FGFR2: variants seen among roughly 807,000 people sequenced by gnomAD.
FGFR2 encodes the protein BEK fibroblast growth factor receptor.
A neutral mutation model predicts 95.9 loss-of-function variants in FGFR2; 19 were observed. The observed-to-expected ratio is 0.20, with a 90% CI of 0.14 to 0.29. The LOEUF is 0.29. FGFR2 is among the 10% of genes least tolerant of loss of function. The probability of loss-of-function intolerance (pLI) is 1.00; values close to 1 mark genes in which losing one functional copy is unlikely to be tolerated. For missense variants in FGFR2, 707 were observed against 1,056.9 expected, an observed-to-expected ratio of 0.67 and a Z score of 4.59; for synonymous variants, 392 against 393.3, an observed-to-expected ratio of 1.00 and a Z score of 0.04.
chr10:121,481,848 T>A lies in FGFR2; in HGVS notation c.2302-1827A>T, dbSNP rs543374098. The A allele has an allele frequency of 1.1e-4, 21 of 190,490 alleles. 2 individuals are homozygous for A. The highest frequency in any genetic ancestry group is 2.3e-4 in the East Asian group (2 of 8,646). The allele number at this position is 190,490 out of a possible 1,614,324, so 11.8% of individuals were successfully genotyped here. A position where few individuals can be genotyped will look rare whatever the true frequency, so the allele number is the denominator to read the frequency against. ...CTTTCTTTTTTATTTTTATTTTTTT[T>A]TTTTTTGAGACGGAGTCTCGCTCTG... On this transcript the variant is annotated intron_variant, in intron 17 of 17. Transcript: ENST00000358487.
chr10:121,502,129 A>T (rs1231036326), intron 10 of FGFR2, among the ~76,000 whole-genome samples: 1 of 152,204 alleles, frequency 6.6e-6, no homozygotes, highest in African/African-American at 2.4e-5. Flanking sequence ...GGTGGCAAAA[A>T]CTATGGACTA....
At chr10:121,568,830 G>GC (rs1276512202) in intron 2 of FGFR2, among the ~76,000 whole-genome samples, 7 of 152,176 alleles carry the variant, frequency 4.6e-5, no homozygotes, top group Non-Finnish European at 8.8e-5. Context: ...ACTACCACGT[G>GC]CTGTTCTAGA....
intron 6 of FGFR2, among the ~76,000 whole-genome samples, chr10:121,537,561 C>T (rs945525812): frequency 2.3e-4 from 35 of 152,138 alleles, no homozygotes; most frequent in Non-Finnish European, 7.3e-5. Context: ...TAGGCACACA[C>T]GCACAGGCTA....
At chr10:121,574,959 T>A (rs1859479466) in intron 2 of FGFR2, among the ~76,000 whole-genome samples, 1 of 152,176 alleles carries the variant, frequency 6.6e-6, no homozygotes, top group Non-Finnish European at 1.5e-5. Flanking sequence ...TAGACACAAG[T>A]CGGGACTGAA....
intron 17 of FGFR2, among the ~76,000 whole-genome samples, chr10:121,481,190 A>G (rs1844626189): frequency 1.3e-5 from 2 of 152,116 alleles, no homozygotes; most frequent in African/African-American, 4.8e-5. Context: ...AAAGCTTTCT[A>G]AATTGGGAAC....
chr10:121,487,849 G>T (rs889053045), intron 14 of FGFR2, 142 bp downstream of exon 14: 3 of 1,033,394 alleles, frequency 2.9e-6, no homozygotes, highest in Non-Finnish European at 4.4e-6. Flanking sequence ...TTTGTGAATA[G>T]TAAGTCAAAA....
intron 10 of FGFR2, 135 bp from the exon 11 acceptor site, chr10:121,501,082 C>G: frequency 8.0e-7 from 1 of 1,246,378 alleles, no homozygotes. Flanking sequence ...ACTAATGAGA[C>G]TTAGGGTACA....
chr10:121,489,771 A>G (rs1845889809), intron 13 of FGFR2, among the ~76,000 whole-genome samples: 1 of 152,154 alleles, frequency 6.6e-6, no homozygotes, highest in African/African-American at 2.4e-5. Context: ...ATGCCTTCCC[A>G]TGTGTCCACA....
intron 9 of FGFR2, among the ~76,000 whole-genome samples, chr10:121,508,472 T>C (rs1848607714): frequency 6.6e-6 from 1 of 152,178 alleles, no homozygotes; most frequent in Non-Finnish European, 1.5e-5. Flanking sequence ...GGCTCACCCA[T>C]GACCCCAAAG....
intron 5 of FGFR2, among the ~76,000 whole-genome samples, chr10:121,545,373 A>G (rs1854348719): frequency 6.6e-6 from 1 of 152,244 alleles, no homozygotes; most frequent in African/African-American, 2.4e-5. Flanking sequence ...AAAACCACGT[A>G]GGTCCAAATG....
chr10:121,580,920 G>A (rs905908405), intron 2 of FGFR2, among the ~76,000 whole-genome samples: 5 of 152,040 alleles, frequency 3.3e-5, no homozygotes, highest in East Asian at 1.9e-4. Flanking sequence ...GCTGTGCGCC[G>A]GCTCCCACGA....
intron 3 of FGFR2, 31 bp from the exon 4 acceptor site, chr10:121,564,610 T>A (rs377158146): frequency 8.1e-6 from 13 of 1,604,736 alleles, no homozygotes; most frequent in Non-Finnish European, 9.4e-6. Context: ...TCCATGGATG[T>A]GTTTTTTGCA....
chr10:121,596,214 G>A (rs1863407632), intron 1 of FGFR2, among the ~76,000 whole-genome samples: 1 of 152,190 alleles, frequency 6.6e-6, no homozygotes, highest in Non-Finnish European at 1.5e-5. Context: ...CCCTCCCTCT[G>A]ATGGATGGCT....
chr10:121,565,673 T>C lies in FGFR2; in HGVS notation c.141A>G (p.Pro47=), dbSNP rs778777292. Residue 47 remains proline, a synonymous_variant, in exon 3 of 18, where the codon CCA becomes CCG. Transcript: ENST00000358487. ...CCCCTGGCGCAGCCACGTACACTTC[T>C]GGTTGAGAGATTTGGTATTTGGTTG... ...EPPTKYQISQ[P]EVYVAAPGES... is the part of the protein sequence containing the mutation. 6.2e-7 allele frequency: 1 copy of C among 1,614,182 alleles called. No individual in the cohort carries two copies. The highest frequency in any genetic ancestry group is 8.5e-7 in the Non-Finnish European group (1 of 1,180,030).
At chr10:121,523,896 C>G (rs1052568214) in intron 6 of FGFR2, among the ~76,000 whole-genome samples, 2 of 152,196 alleles carry the variant, frequency 1.3e-5, no homozygotes, top group Non-Finnish European at 2.9e-5. Flanking sequence ...ATTGTGCATG[C>G]AGTACCAAAC....
Position 121,584,206 on chromosome 10 carries a change from C to T in FGFR2, c.109+9503G>A, listed in dbSNP as rs560647611. Among the ~76,000 whole-genome samples the T allele has an allele frequency of 1.5e-4, 23 of 152,058 alleles. 1 individual carries two copies. The highest frequency in any genetic ancestry group is 1.2e-3 in the Admixed American group (18 of 15,280). On this transcript the variant is annotated intron_variant, in intron 2 of 17. Coordinates refer to ENST00000358487, the MANE Select transcript of FGFR2 (RefSeq NM_000141.5). ...GGTCCCATCACAATTTCCTTGAGCT[C>T]CCTTCCATGCAGACAAAAATCTCAT... is the stretch of plus-strand genomic sequence containing the variant.
At chr10:121,515,899 T>C (rs539826459) in intron 8 of FGFR2, among the ~76,000 whole-genome samples, 145 of 150,668 alleles carry the variant, frequency 9.6e-4, no homozygotes, top group Non-Finnish European at 1.8e-3. Context: ...AACAAACCAA[T>C]GCATTAAATA....
At chr10:121,497,373 T>C (rs1378068724) in intron 12 of FGFR2, among the ~76,000 whole-genome samples, 1 of 152,168 alleles carries the variant, frequency 6.6e-6, no homozygotes, top group Non-Finnish European at 1.5e-5. Context: ...AACTATTCAA[T>C]AAGTAATATA....
Position 121,517,115 on chromosome 10 carries a change from C to A in FGFR2, c.1084+204G>T. 1.6e-6 allele frequency: 1 copy of A among 640,220 alleles called. No homozygotes were observed. Among genetic ancestry groups the A allele is most frequent in the Non-Finnish European group, 2.7e-6 (1 of 364,798 alleles). The allele number at this position is 640,220 out of a possible 1,614,324, so 39.7% of individuals were successfully genotyped here. A position where few individuals can be genotyped will look rare whatever the true frequency, so the allele number is the denominator to read the frequency against. ...CTTCAGGTTTTAAGGGTGAAATTTC[C>A]CTTGATCATAAATGTGAGTGTGGGA... On this transcript the variant is annotated intron_variant, in intron 8 of 17. Transcript: ENST00000358487. This position sits in a 1 kb window ranked among gnomAD's most constrained non-coding sequence, Gnocchi z 4.7.
Sources: allele counts gnomAD v4.1 joint callset (sites outside exome capture counted in the v4.1 genomes callset), GRCh38; gene constraint gnomAD v4.1.1; non-coding constraint Gnocchi (gnomAD v3.1); transcripts MANE v1.5; gene names NCBI Gene and HGNC (gene_info 2026-07-23, HGNC 2026-07-21).